NOX4: variants seen among roughly 807,000 people sequenced by gnomAD.
NOX4 encodes the protein NADPH oxidase 4.
In NOX4, 69 loss-of-function variants were observed where a neutral mutation model predicts 87.6. The ratio of observed to expected loss-of-function variants is 0.79; its 90% CI spans 0.65 to 0.96. The LOEUF (loss-of-function observed/expected upper bound fraction) is 0.96, where lower values mean the gene tolerates loss of function less well. Among genes scored for constraint, NOX4 ranks in the 40% least tolerant of loss-of-function variants. The pLI is 0.00. For synonymous variants in NOX4, 275 were observed against 238.2 expected, an observed-to-expected ratio of 1.15 and a Z score of -1.42; for missense variants, 680 against 681.5, an observed-to-expected ratio of 1.00 and a Z score of 0.02.
rs538533996 is a variant in NOX4, at chr11:89,411,620, G to T, written c.630-9078C>A. ...CTGTGGGCCTGAGGTGGGTTATATTGGTTGCAAGCCTCATTGTAACCACAA... is the reference window on the plus strand; with the variant it reads ...CTGTGGGCCTGAGGTGGGTTATATTTGTTGCAAGCCTCATTGTAACCACAA... On this transcript the variant is annotated intron_variant, in intron 8 of 17. Transcript: ENST00000263317. 1.1e-4 allele frequency among the ~76,000 whole-genome samples: 17 copies of T among 151,976 alleles called. No individual in the cohort carries two copies. In the South Asian group the frequency reaches 1.7e-3, roughly 15 times the overall value.
chr11:89,342,727 A>G (rs975662804), intron 13 of NOX4, among the ~76,000 whole-genome samples: 9 of 152,180 alleles, frequency 5.9e-5, no homozygotes, highest in African/African-American at 2.2e-4. Flanking sequence ...AACTTTACTT[A>G]CAAACTGATA....
At chr11:89,566,336 C>A in the NOX4 span, among the ~76,000 whole-genome samples, 3 of 152,108 alleles carry the variant, frequency 2.0e-5, no homozygotes, top group African/African-American at 7.2e-5. Context: ...GCCACCATGC[C>A]CAGCCTATTA....
chr11:89,588,353 A>G, the NOX4 span, among the ~76,000 whole-genome samples: 1 of 152,224 alleles, frequency 6.6e-6, no homozygotes, highest in Non-Finnish European at 1.5e-5. Context: ...AAGAAATATT[A>G]TAACAAAAAA....
At chr11:89,529,025 T>C in the NOX4 span, among the ~76,000 whole-genome samples, 1 of 151,866 alleles carries the variant, frequency 6.6e-6, no homozygotes, top group Admixed American at 6.6e-5. Flanking sequence ...AGGTAGAAGA[T>C]AAGAATACAA....
intron 2 of NOX4, among the ~76,000 whole-genome samples, chr11:89,467,349 CAAAAAAAAA>C (rs71052233): frequency 1.5e-4 from 9 of 61,424 alleles, no homozygotes; most frequent in African/African-American, 4.6e-4. Context: ...AAACTCGTCA[CAAAAAAAAA>C]AAAAAAAAAA....
At chr11:89,574,618 C>G in the NOX4 span, among the ~76,000 whole-genome samples, 1 of 152,166 alleles carries the variant, frequency 6.6e-6, no homozygotes, top group Non-Finnish European at 1.5e-5. Flanking sequence ...AAGGCTTTTT[C>G]TCTCAACTGG....
intron 11 of NOX4, among the ~76,000 whole-genome samples, chr11:89,393,821 C>G (rs2135147772): frequency 6.6e-6 from 1 of 152,268 alleles, no homozygotes; most frequent in Non-Finnish European, 1.5e-5. Flanking sequence ...ACAGAAGTAA[C>G]AAGTGAGGGA....
the NOX4 span, among the ~76,000 whole-genome samples, chr11:89,576,464 G>C: frequency 3.3e-5 from 5 of 151,970 alleles, no homozygotes; most frequent in Non-Finnish European, 2.9e-5. Flanking sequence ...AAAATCATAC[G>C]ATAAAAAAGC....
intron 14 of NOX4, among the ~76,000 whole-genome samples, chr11:89,341,286 T>C (rs1356791790): frequency 6.6e-6 from 1 of 151,454 alleles, no homozygotes; most frequent in South Asian, 2.1e-4. Flanking sequence ...CCACGCCTGG[T>C]TGATTTTTAT....
In NOX4 at chr11:89,402,473, G is replaced by A; in HGVS notation, c.699C>T (p.Ser233=). 6.2e-7 allele frequency: 1 copy of A among 1,612,528 alleles called. No homozygotes were observed. Among genetic ancestry groups the A allele is most frequent in the Non-Finnish European group, 8.5e-7 (1 of 1,179,402 alleles). The change falls in exon 9 of 18, where the codon AGC becomes AGT. Residue 233 remains serine, a synonymous_variant. Coordinates refer to ENST00000263317, the MANE Select transcript of NOX4 (RefSeq NM_016931.5). The part of the protein sequence containing the change: ...PPGCISLNRT[S]SQNISLPEYF... ...ACTCTGGTAAGGAAATATTCTGAGA[G>A]CTGGTTCGGTTAAGACTGATGCAGC...
At chr11:89,330,634 A>G (rs1321498444) in intron 17 of NOX4, among the ~76,000 whole-genome samples, 3 of 151,540 alleles carry the variant, frequency 2.0e-5, no homozygotes, top group African/African-American at 4.8e-5. Context: ...AAAAGAAAAA[A>G]AAAAAAAAAT....
chr11:89,555,470 T>C, the NOX4 span, among the ~76,000 whole-genome samples: 1 of 152,032 alleles, frequency 6.6e-6, no homozygotes, highest in Admixed American at 6.6e-5. Flanking sequence ...GACAACAGAG[T>C]AAGAATTTGT....
chr11:89,515,394 C>G, the NOX4 span, among the ~76,000 whole-genome samples: 9 of 151,500 alleles, frequency 5.9e-5, no homozygotes, highest in Admixed American at 1.3e-4. Context: ...TCAAATTTTT[C>G]TCCTCTTTAT....
intron 7 of NOX4, among the ~76,000 whole-genome samples, chr11:89,426,000 C>T (rs80221689): frequency 0.012 from 1,809 of 152,138 alleles, 11 homozygotes; most frequent in Middle Eastern, 0.027. Context: ...GAAGCATCAA[C>T]ACTATAAATA....
chr11:89,414,163 T>C (rs1026654523), intron 8 of NOX4, among the ~76,000 whole-genome samples: 5 of 152,032 alleles, frequency 3.3e-5, no homozygotes, highest in Non-Finnish European at 7.4e-5. Flanking sequence ...TTCACTATTA[T>C]AACCCAGGGC....
At chr11:89,362,249 T>G (rs561207548) in intron 12 of NOX4, among the ~76,000 whole-genome samples, 1 of 152,028 alleles carries the variant, frequency 6.6e-6, no homozygotes, top group Non-Finnish European at 1.5e-5. Flanking sequence ...ATCTCCACTT[T>G]GTACTGAGAA....
chr11:89,327,668 G>A (rs906833367), intron 17 of NOX4, among the ~76,000 whole-genome samples: 1 of 151,810 alleles, frequency 6.6e-6, no homozygotes, highest in Non-Finnish European at 1.5e-5. Flanking sequence ...TCATATCTTG[G>A]GAAAATCCAG....
At chr11:89,572,699 CT>C in the NOX4 span, among the ~76,000 whole-genome samples, 147 of 152,082 alleles carry the variant, frequency 9.7e-4, no homozygotes, top group African/African-American at 3.0e-3. Context: ...ACAGGAGCAT[CT>C]TTTTTCCCGT....
intron 13 of NOX4, among the ~76,000 whole-genome samples, chr11:89,349,394 T>C (rs1221562552): frequency 1.3e-5 from 2 of 152,060 alleles, no homozygotes; most frequent in Non-Finnish European, 2.9e-5. Context: ...TTATTAAAGA[T>C]AGATGATATC....
Sources: gnomAD v4.1 joint callset for allele counts (sites outside exome capture counted in the v4.1 genomes callset) on GRCh38, gnomAD v4.1.1 for gene constraint, MANE v1.5 for transcripts, NCBI Gene and HGNC (gene_info 2026-07-23, HGNC 2026-07-21) for gene names.